ASTN2: variants seen among roughly 807,000 people sequenced by gnomAD.
ASTN2 encodes the protein astrotactin-2.
A neutral mutation model predicts 139.8 loss-of-function variants in ASTN2; 54 were observed. The observed-to-expected ratio is 0.39, with a 90% CI of 0.31 to 0.48. The LOEUF (loss-of-function observed/expected upper bound fraction) is 0.48, where lower values mean the gene tolerates loss of function less well. Ranked by LOEUF, ASTN2 falls within the 20% of genes least tolerant of loss-of-function variation. ASTN2 has a pLI of 0.95. For synonymous variants in ASTN2, 756 were observed against 719.5 expected (o/e 1.05, Z -0.81); for missense variants, 1,565 against 1,725.1 (o/e 0.91, Z 1.64).
chr9:116,901,221 G>A (rs1348380976), intron 10 of ASTN2, among the ~76,000 whole-genome samples: 3 of 152,082 alleles, frequency 2.0e-5, no homozygotes, highest in African/African-American at 7.2e-5. Flanking sequence ...TATGACAGTG[G>A]TCCTTTAAAA....
intron 22 of ASTN2, among the ~76,000 whole-genome samples, chr9:116,428,873 A>C (rs1385576265): frequency 5.9e-5 from 9 of 152,244 alleles, no homozygotes; most frequent in Admixed American, 5.2e-4. Context: ...AAAAATTAAC[A>C]GACACATAAT....
At chr9:116,881,582 G>A (rs935886666) in intron 10 of ASTN2, among the ~76,000 whole-genome samples, 21 of 152,220 alleles carry the variant, frequency 1.4e-4, no homozygotes, top group Non-Finnish European at 2.8e-4. Flanking sequence ...GCATTGCTGG[G>A]CATAAAGCAA....
intron 3 of ASTN2, among the ~76,000 whole-genome samples, chr9:117,163,875 C>G (rs2132907989): frequency 6.6e-6 from 1 of 152,046 alleles, no homozygotes; most frequent in Non-Finnish European, 1.5e-5. Context: ...TGATTGCTAC[C>G]AATTGAAAAT....
chr9:117,122,404 AT>A (rs144279249), intron 4 of ASTN2, among the ~76,000 whole-genome samples: 4,687 of 152,242 alleles, frequency 0.031, 110 homozygotes, highest in Admixed American at 0.069. Flanking sequence ...ATCCACCACA[AT>A]TGCACTAGTG....
intron 21 of ASTN2, among the ~76,000 whole-genome samples, chr9:116,442,046 CA>C (rs1373966204): frequency 6.6e-6 from 1 of 152,170 alleles, no homozygotes; most frequent in Non-Finnish European, 1.5e-5. Context: ...ATGGACACCA[CA>C]AGGTGAAATG....
chr9:117,098,027 A>T lies in ASTN2; in HGVS notation c.1169-1876T>A, dbSNP rs117362142. 4.3e-4 allele frequency among the ~76,000 whole-genome samples: 66 copies of T among 152,344 alleles called. No individual in the cohort carries two copies. In the East Asian group the frequency reaches 0.01, roughly 23 times the overall value. ...ATGCAAAGACATGCTTAGACATGCAAAGTTACTTGCATAGTCACACAGCAG... is the reference window on the plus strand; with the variant it reads ...ATGCAAAGACATGCTTAGACATGCATAGTTACTTGCATAGTCACACAGCAG... On this transcript the variant is annotated intron_variant, in intron 4 of 22. Coordinates refer to ENST00000313400, the MANE Select transcript of ASTN2 (RefSeq NM_001365068.1).
rs1216499912 is a variant in ASTN2, at chr9:117,096,032, G to C, written c.1276+12C>G. On this transcript the variant is annotated intron_variant, in intron 5 of 22. Coordinates refer to ENST00000313400, the MANE Select transcript of ASTN2 (RefSeq NM_001365068.1). ...AAACTCTGGTTCTGGAACCTTCCAA[G>C]GACACTATTACCTTTGCTGCGGCGG... 2 of 1,612,246 alleles carry C rather than the reference G, an allele frequency of 1.2e-6. No homozygotes were observed. The highest frequency in any genetic ancestry group is 1.7e-6 in the Non-Finnish European group (2 of 1,178,442).
At position 117,008,327 on chromosome 9, in the gene ASTN2, C is replaced by G. The variant is rs1017602249; in HGVS notation, c.1424-68G>C. 7.6e-5 allele frequency: 109 copies of G among 1,427,314 alleles called. No homozygotes were observed. In the African/African-American group the frequency reaches 1.3e-3, roughly 17 times the overall value. The allele number at this position is 1,427,314 out of a possible 1,614,324, so 88.4% of individuals were successfully genotyped here. ...AGGTCTTAGCTGATGCTACAGAACA[C>G]AGAAAGGTGTGTACAAGCCACGTTC... On this transcript the variant is annotated intron_variant, in intron 6 of 22. Coordinates refer to ENST00000313400, the MANE Select transcript of ASTN2 (RefSeq NM_001365068.1).
intron 10 of ASTN2, among the ~76,000 whole-genome samples, chr9:116,944,585 G>C (rs1032435544): frequency 2.0e-5 from 3 of 151,382 alleles, no homozygotes; most frequent in African/African-American, 7.3e-5. Context: ...GGGAGGCTGA[G>C]GCAGGAGAAT....
chr9:116,699,311 T>C lies in ASTN2; in HGVS notation c.2806+26460A>G, dbSNP rs1861055085. 2 of 1,614,102 alleles carry C rather than the reference T, an allele frequency of 1.2e-6. No homozygotes were observed. Among genetic ancestry groups the C allele is most frequent in the African/African-American group, 1.3e-5 (1 of 74,940 alleles). Reference sequence around the variant, plus strand: ...GGCCCAAATTTGTCACCTGTGATGCTGAGGGCACCGTCTACTTCACCCAGG... The same window carrying C: ...GGCCCAAATTTGTCACCTGTGATGCCGAGGGCACCGTCTACTTCACCCAGG... On this transcript the variant is annotated intron_variant, in intron 16 of 22. Coordinates refer to ENST00000313400, the MANE Select transcript of ASTN2 (RefSeq NM_001365068.1). The surrounding 1 kb of genome is among the most constrained non-coding windows in gnomAD (Gnocchi z 4.2).
chr9:117,351,770 G>A (rs923079205), intron 1 of ASTN2, among the ~76,000 whole-genome samples: 2 of 151,930 alleles, frequency 1.3e-5, no homozygotes, highest in Non-Finnish European at 2.9e-5. Context: ...TTCTTCATGT[G>A]TGCTTTAGAT....
At chr9:116,650,098 G>T (rs1225154983) in intron 17 of ASTN2, among the ~76,000 whole-genome samples, 1 of 152,162 alleles carries the variant, frequency 6.6e-6, no homozygotes, top group Non-Finnish European at 1.5e-5. Flanking sequence ...GGAGGGGCAC[G>T]GGATTCATAG....
chr9:116,857,595 G>C (rs1832773554), intron 11 of ASTN2, among the ~76,000 whole-genome samples: 1 of 152,168 alleles, frequency 6.6e-6, no homozygotes, highest in Admixed American at 6.5e-5. Flanking sequence ...GAAACTGGAA[G>C]GGAGTCTTGG....
chr9:117,293,994 G>A (rs530642794), intron 1 of ASTN2, among the ~76,000 whole-genome samples: 10 of 152,336 alleles, frequency 6.6e-5, no homozygotes, highest in African/African-American at 1.9e-4. Flanking sequence ...AAGGCGGAGC[G>A]AGCAGAGGGA....
chr9:116,433,490 T>A (rs1050655945), intron 22 of ASTN2, among the ~76,000 whole-genome samples: 1 of 152,184 alleles, frequency 6.6e-6, no homozygotes, highest in Non-Finnish European at 1.5e-5. Context: ...ATCTCTGGGG[T>A]AGGGTTGGGA....
chr9:116,608,400 C>T (rs2416564), intron 19 of ASTN2, among the ~76,000 whole-genome samples: 96,802 of 152,020 alleles, frequency 0.64, 30,895 homozygotes, highest in South Asian at 0.73. Context: ...AACCTCAAAA[C>T]TTATGGGCAA....
chr9:116,819,038 G>A (rs554072472), intron 12 of ASTN2, among the ~76,000 whole-genome samples: 1 of 152,196 alleles, frequency 6.6e-6, no homozygotes. Context: ...GTCCTGAAAG[G>A]CTTGCCTTAT....
At chr9:116,916,988 G>A (rs1165566386) in intron 10 of ASTN2, among the ~76,000 whole-genome samples, 2 of 151,890 alleles carry the variant, frequency 1.3e-5, no homozygotes, top group Admixed American at 6.6e-5. Flanking sequence ...ACCCTCTATG[G>A]AGATTTTTTT....
chr9:117,058,098 T>C (rs1839116632), intron 5 of ASTN2, among the ~76,000 whole-genome samples: 2 of 152,244 alleles, frequency 1.3e-5, no homozygotes, highest in Admixed American at 6.5e-5. Context: ...GCCATGTTAC[T>C]CCACGTTCCT....
Sources: gnomAD v4.1 joint callset for allele counts (sites outside exome capture counted in the v4.1 genomes callset) on GRCh38, gnomAD v4.1.1 for gene constraint, Gnocchi (gnomAD v3.1) non-coding constraint, MANE v1.5 for transcripts, NCBI Gene and HGNC (gene_info 2026-07-23, HGNC 2026-07-21) for gene names.